ATP8A1: variants seen among roughly 807,000 people sequenced by gnomAD.
ATP8A1 encodes the protein ATPase phospholipid transporting 8A1, also known as phospholipid-transporting ATPase IA.
Under a neutral mutation model 177.7 loss-of-function variants are expected in ATP8A1, and 90 were observed. The ratio of observed to expected loss-of-function variants is 0.51; its 90% CI spans 0.43 to 0.60. The LOEUF (loss-of-function observed/expected upper bound fraction) is 0.60, where lower values mean the gene tolerates loss of function less well. ATP8A1 is among the 20% of genes least tolerant of loss of function. ATP8A1 has a pLI of 0.00. For synonymous variants in ATP8A1, 493 were observed against 485.9 expected, an observed-to-expected ratio of 1.01 and a Z score of -0.19; for missense variants, 1,072 against 1,392.8, an observed-to-expected ratio of 0.77 and a Z score of 3.67.
intron 23 of ATP8A1, among the ~76,000 whole-genome samples, chr4:42,506,811 C>T (rs1264763373): frequency 6.6e-6 from 1 of 152,158 alleles, no homozygotes; most frequent in Non-Finnish European, 1.5e-5. Flanking sequence ...CTTCCATAAG[C>T]CCAATCTCCA....
intron 35 of ATP8A1, among the ~76,000 whole-genome samples, chr4:42,421,323 C>G (rs985121114): frequency 3.3e-5 from 5 of 151,922 alleles, no homozygotes; most frequent in African/African-American, 1.2e-4. Context: ...TTTTGCAGCT[C>G]TATTATATTT....
intron 1 of ATP8A1, among the ~76,000 whole-genome samples, chr4:42,648,585 A>C (rs1443956756): frequency 6.6e-6 from 1 of 152,116 alleles, no homozygotes; most frequent in East Asian, 1.9e-4. Flanking sequence ...TGAAACCCAA[A>C]AGTACTAAAA....
At chr4:42,437,756 T>G (rs1716158476) in intron 33 of ATP8A1, among the ~76,000 whole-genome samples, 1 of 152,160 alleles carries the variant, frequency 6.6e-6, no homozygotes. Context: ...GGTGGGAATG[T>G]TTTCCAAATG....
intron 15 of ATP8A1, among the ~76,000 whole-genome samples, chr4:42,557,404 A>G (rs879639857): frequency 6.6e-6 from 1 of 152,336 alleles, no homozygotes; most frequent in Admixed American, 6.5e-5. Flanking sequence ...ATATTCATAA[A>G]TGGTTTGTAG....
chr4:42,452,170 C>T, intron 29 of ATP8A1, 111 bp from the exon 30 acceptor site: 1 of 697,156 alleles, frequency 1.4e-6, no homozygotes, highest in African/African-American at 1.8e-5. Flanking sequence ...TCTGTCGGGC[C>T]ACCACTGTGA....
rs770507437 is a variant in ATP8A1 at position 42,555,151 on chromosome 4, TATC to T, written c.1413+814_1413+816del. Among the ~76,000 whole-genome samples the T allele has an allele frequency of 1.3e-3, 135 of 100,236 alleles. 4 individuals carry two copies. Among genetic ancestry groups the T allele is most frequent in the Admixed American group, 2.1e-3 (23 of 10,828 alleles). The allele number at this position is 100,236 out of a possible 152,430, so 65.8% of individuals were successfully genotyped here. A position where few individuals can be genotyped will look rare whatever the true frequency, so the allele number is the denominator to read the frequency against. Reference sequence around the variant, plus strand: ...TATCTATCTATCTAATCTATCTATCTATCTATCTATCTATCTATCTATCTATCT... The same window carrying T: ...TATCTATCTATCTAATCTATCTATCTTATCTATCTATCTATCTATCTATCT... On this transcript the variant is annotated intron_variant, in intron 16 of 36. Transcript: ENST00000381668.
chr4:42,523,388 T>G (rs1385349563), intron 21 of ATP8A1, among the ~76,000 whole-genome samples: 1 of 152,170 alleles, frequency 6.6e-6, no homozygotes. Flanking sequence ...GGCTTAGTGA[T>G]CTCAAGACAA....
intron 33 of ATP8A1, among the ~76,000 whole-genome samples, chr4:42,426,125 G>A (rs944846236): frequency 6.6e-6 from 1 of 152,154 alleles, no homozygotes; most frequent in African/African-American, 2.4e-5. Context: ...GAGAAAATAC[G>A]AGTTTATGTG....
intron 20 of ATP8A1, among the ~76,000 whole-genome samples, chr4:42,525,724 A>G (rs959238082): frequency 6.6e-6 from 1 of 152,184 alleles, no homozygotes; most frequent in Non-Finnish European, 1.5e-5. Flanking sequence ...TTAGACCAGG[A>G]AAAAATAAAT....
At chr4:42,638,019 G>A (rs1303809564) in intron 1 of ATP8A1, among the ~76,000 whole-genome samples, 2 of 152,164 alleles carry the variant, frequency 1.3e-5, no homozygotes, top group Non-Finnish European at 2.9e-5. Context: ...ACAAGGGTAT[G>A]GGTAAGTATC....
chr4:42,555,865 T>G, intron 16 of ATP8A1, 103 bp downstream of exon 16: 1 of 710,566 alleles, frequency 1.4e-6, no homozygotes, highest in Non-Finnish European at 2.2e-6. Context: ...TAAAAGATCA[T>G]GAAAGTAAAA....
chr4:42,520,298 A>C (rs954424461), intron 22 of ATP8A1, among the ~76,000 whole-genome samples: 2 of 152,166 alleles, frequency 1.3e-5, no homozygotes, highest in Non-Finnish European at 2.9e-5. Flanking sequence ...GAGGATTATA[A>C]GGCAAGGCAA....
At position 42,626,700 on chromosome 4, in the gene ATP8A1, C is replaced by T. The variant is rs140322651; in HGVS notation, c.164+295G>A. On this transcript the variant is annotated intron_variant, in intron 2 of 36. Coordinates refer to ENST00000381668, the MANE Select transcript of ATP8A1 (RefSeq NM_006095.2). ...GCTAACCAAAACCAGTAACGCATCG[C>T]TCTATTAACAGGTTTAGGACAGAGG... The T allele has an allele frequency of 2.5e-3, 849 of 346,122 alleles. 6 individuals carry two copies. Among genetic ancestry groups the T allele is most frequent in the African/African-American group, 0.016 (773 of 47,084 alleles). 21.4% of individuals were successfully genotyped at this position (346,122 alleles called of 1,614,324 possible). A position where few individuals can be genotyped will look rare whatever the true frequency, so the allele number is the denominator to read the frequency against.
At chr4:42,531,144 A>G (rs111448823) in intron 20 of ATP8A1, among the ~76,000 whole-genome samples, 4,101 of 152,310 alleles carry the variant, frequency 0.027, 81 homozygotes, top group South Asian at 0.095. Context: ...GGTAGGGAAG[A>G]GTATGTACGG....
intron 24 of ATP8A1, among the ~76,000 whole-genome samples, chr4:42,494,171 A>C (rs1403987281): frequency 4.7e-5 from 7 of 148,596 alleles, no homozygotes; most frequent in African/African-American, 1.7e-4. Context: ...ACAAAAAAAA[A>C]AAAAAAAAAA....
intron 21 of ATP8A1, among the ~76,000 whole-genome samples, chr4:42,524,255 G>A (rs1320125773): frequency 1.3e-5 from 2 of 152,162 alleles, no homozygotes; most frequent in African/African-American, 4.8e-5. Context: ...ACAGAGCCTG[G>A]CGTGTGGTAG....
intron 25 of ATP8A1, among the ~76,000 whole-genome samples, chr4:42,482,023 C>A (rs1437678313): frequency 6.6e-6 from 1 of 152,120 alleles, no homozygotes; most frequent in African/African-American, 2.4e-5. Context: ...CAGTAGTTGG[C>A]CAGGTGCGGT....
At chr4:42,441,794 C>G (rs1458269211) in intron 33 of ATP8A1, among the ~76,000 whole-genome samples, 2 of 152,196 alleles carry the variant, frequency 1.3e-5, no homozygotes, top group East Asian at 3.8e-4. Context: ...TACCCTACAG[C>G]TGAATTAATC....
chr4:42,573,137 C>T (rs1220336471), intron 14 of ATP8A1, among the ~76,000 whole-genome samples: 1 of 152,166 alleles, frequency 6.6e-6, no homozygotes, highest in Non-Finnish European at 1.5e-5. Flanking sequence ...CTGATTTTAG[C>T]TTTCTGTTCT....
Sources: gnomAD v4.1 joint callset for allele counts (sites outside exome capture counted in the v4.1 genomes callset) on GRCh38, gnomAD v4.1.1 for gene constraint, MANE v1.5 for transcripts, NCBI Gene and HGNC (gene_info 2026-07-23, HGNC 2026-07-21) for gene names.